MAML2: variants seen among roughly 807,000 people sequenced by gnomAD.
The protein encoded by MAML2 is mastermind like transcriptional coactivator 2, also known as mastermind-like protein 2.
Under a neutral mutation model 96.1 loss-of-function variants are expected in MAML2, and 22 were observed. The ratio of observed to expected loss-of-function variants is 0.23; its 90% CI spans 0.16 to 0.33. MAML2 has a LOEUF of 0.33. Ranked by LOEUF, MAML2 falls within the 10% of genes least tolerant of loss-of-function variation. MAML2 has a pLI of 1.00. For missense variants in MAML2, 1,367 were observed against 1,392.4 expected (o/e 0.98, Z 0.29); for synonymous variants, 561 against 521.3 (o/e 1.08, Z -1.04).
intron 1 of MAML2, among the ~76,000 whole-genome samples, chr11:96,143,073 A>G (rs1860761105): frequency 6.6e-6 from 1 of 152,384 alleles, no homozygotes; most frequent in African/African-American, 2.4e-5. Context: ...TGGAATACAA[A>G]GGATCTCTAG....
At chr11:96,029,203 A>G (rs1198254368) in intron 2 of MAML2, among the ~76,000 whole-genome samples, 1 of 151,954 alleles carries the variant, frequency 6.6e-6, no homozygotes, top group Non-Finnish European at 1.5e-5. Context: ...TAATAAAAAA[A>G]AAACTTTGTT....
At chr11:96,157,993 T>C (rs757620175) in intron 1 of MAML2, among the ~76,000 whole-genome samples, 1 of 152,202 alleles carries the variant, frequency 6.6e-6, no homozygotes, top group Non-Finnish European at 1.5e-5. Flanking sequence ...TCCATTTTAA[T>C]TCAGTTCAAG....
chr11:96,082,572 G>A (rs975416478), intron 2 of MAML2, among the ~76,000 whole-genome samples: 3 of 152,178 alleles, frequency 2.0e-5, no homozygotes, highest in African/African-American at 4.8e-5. Context: ...AGCTGACGCT[G>A]TGAGGTCGAG....
chr11:96,106,980 C>CTTTTTTTTT (rs71040129), intron 1 of MAML2, among the ~76,000 whole-genome samples: 27,792 of 89,474 alleles, frequency 0.31, 5,881 homozygotes, highest in Middle Eastern at 0.51. Context: ...GAAAAGAGTC[C>CTTTTTTTTT]TTTTTTTTTT....
intron 1 of MAML2, among the ~76,000 whole-genome samples, chr11:96,277,077 A>G (rs1157932763): frequency 1.3e-5 from 2 of 152,176 alleles, no homozygotes; most frequent in Admixed American, 6.5e-5. Context: ...TTTATGATAC[A>G]AGGCAATATA....
At chr11:96,305,206 G>T (rs1030581867) in intron 1 of MAML2, among the ~76,000 whole-genome samples, 7 of 152,084 alleles carry the variant, frequency 4.6e-5, no homozygotes, top group African/African-American at 1.7e-4. Flanking sequence ...TAAGGGAGAG[G>T]GAAGGATAAA....
chr11:96,078,596 G>T (rs550774890), intron 2 of MAML2, among the ~76,000 whole-genome samples: 1 of 152,300 alleles, frequency 6.6e-6, no homozygotes, highest in Admixed American at 6.5e-5. Flanking sequence ...ACCGGAACAG[G>T]AACGAAATGC....
chr11:96,207,995 GT>G lies in MAML2; in HGVS notation c.514-114479del, dbSNP rs145210487. Among the ~76,000 whole-genome samples the G allele has an allele frequency of 2.6e-3, 395 of 152,132 alleles. 2 individuals carry two copies. The highest frequency in any genetic ancestry group is 7.9e-3 in the South Asian group (38 of 4,820). ...TTCTCCATACTAACACACTTGCTGGGTTTTTTTCTAAGCTCCCAAACTCAGA... is the reference window on the plus strand; with the variant it reads ...TTCTCCATACTAACACACTTGCTGGGTTTTTTCTAAGCTCCCAAACTCAGA... On this transcript the variant is annotated intron_variant, in intron 1 of 4. Coordinates refer to ENST00000524717, the MANE Select transcript of MAML2 (RefSeq NM_032427.4).
At chr11:96,106,535 T>C (rs532844396) in intron 1 of MAML2, among the ~76,000 whole-genome samples, 1 of 152,308 alleles carries the variant, frequency 6.6e-6, no homozygotes, top group Admixed American at 6.5e-5. Context: ...TATCCACCCA[T>C]TCTGAATGGG....
intron 1 of MAML2, among the ~76,000 whole-genome samples, chr11:96,177,162 A>G (rs1861399738): frequency 6.6e-6 from 1 of 152,254 alleles, no homozygotes; most frequent in Non-Finnish European, 1.5e-5. Context: ...TGATTGAACC[A>G]TAAAAGTGAA....
chr11:95,993,891 C>T (rs1216836997), intron 2 of MAML2, among the ~76,000 whole-genome samples: 1 of 152,170 alleles, frequency 6.6e-6, no homozygotes, highest in East Asian at 1.9e-4. Flanking sequence ...TGATTTATCT[C>T]ATTCACTCCT....
chr11:96,090,241 T>C (rs1338067942), intron 2 of MAML2, among the ~76,000 whole-genome samples: 2 of 152,208 alleles, frequency 1.3e-5, no homozygotes, highest in African/African-American at 4.8e-5. Context: ...ATACTGGTTA[T>C]GTTAGAACTT....
intron 1 of MAML2, among the ~76,000 whole-genome samples, chr11:96,337,037 A>G (rs1863928098): frequency 6.6e-6 from 1 of 152,218 alleles, no homozygotes; most frequent in Non-Finnish European, 1.5e-5. Context: ...TTTGTAAAGT[A>G]TTATACTAAC....
intron 2 of MAML2, among the ~76,000 whole-genome samples, chr11:95,995,055 G>A (rs888837424): frequency 1.3e-5 from 2 of 152,186 alleles, no homozygotes; most frequent in Admixed American, 6.5e-5. Context: ...TACCTACCAC[G>A]TAGTAAGCAC....
At chr11:96,160,198 G>A (rs570203870) in intron 1 of MAML2, among the ~76,000 whole-genome samples, 1 of 152,288 alleles carries the variant, frequency 6.6e-6, no homozygotes, top group South Asian at 2.1e-4. Context: ...ATCTCACAGA[G>A]TTATTTACAT....
At chr11:96,203,778 A>G (rs964550230) in intron 1 of MAML2, among the ~76,000 whole-genome samples, 12 of 152,230 alleles carry the variant, frequency 7.9e-5, no homozygotes, top group Admixed American at 7.9e-4. Context: ...CCATGCATGA[A>G]AATATTTAGC....
In MAML2 at chr11:96,204,826, G is replaced by A. The variant is rs921045204; in HGVS notation, c.514-111309C>T. ...AATCTTGAAGGTGTAACATGTTTTC[G>A]ATGTAATTTTAGGTGCACCTAAATT... On this transcript the variant is annotated intron_variant, in intron 1 of 4. Coordinates refer to ENST00000524717, the MANE Select transcript of MAML2 (RefSeq NM_032427.4). Among the ~76,000 whole-genome samples, 5 of 152,168 alleles carry A rather than the reference G, an allele frequency of 3.3e-5. No homozygotes were observed. In the South Asian group the frequency reaches 8.3e-4, roughly 25 times the overall value.
At position 95,979,147 on chromosome 11, in the gene MAML2, T is replaced by C. The variant is rs552131622; in HGVS notation, c.3272A>G (p.Asn1091Ser). The C allele has an allele frequency of 1.9e-6, 3 of 1,613,910 alleles. No individual in the cohort carries two copies. Among genetic ancestry groups the C allele is most frequent in the East Asian group, 2.2e-5 (1 of 44,884 alleles). The part of the protein sequence containing the change: ...SLTPSNFPSP[N>S]QSSRAFQGTD... Reference sequence around the variant, plus strand: ...TCCTTGAAAAGCCCTGGAACTTTGGTTGGGTGAAGGAAAATTGCTGGGCGT... The same window carrying C: ...TCCTTGAAAAGCCCTGGAACTTTGGCTGGGTGAAGGAAAATTGCTGGGCGT... The change falls in exon 5 of 5, where the codon AAC (asparagine) becomes AGC (serine). Residue 1091 changes from asparagine to serine, a missense_variant. Asn to Ser is a conservative substitution (Grantham distance 46, BLOSUM62 1). Transcript: ENST00000524717.
intron 2 of MAML2, among the ~76,000 whole-genome samples, chr11:96,052,099 A>G (rs1305112912): frequency 6.6e-6 from 1 of 152,298 alleles, no homozygotes; most frequent in East Asian, 1.9e-4. Flanking sequence ...AAATGCTACA[A>G]ACTATCAGAA....
Sources: allele counts gnomAD v4.1 joint callset (sites outside exome capture counted in the v4.1 genomes callset), GRCh38; gene constraint gnomAD v4.1.1; transcripts MANE v1.5; gene names NCBI Gene and HGNC (gene_info 2026-07-23, HGNC 2026-07-21).